Variants in SLC6A6 observed in about 807,000 individuals in gnomAD.
SLC6A6 encodes solute carrier family 6 member 6, also known as sodium- and chloride-dependent taurine transporter.
Under a neutral mutation model 68.8 loss-of-function variants are expected in SLC6A6, and 16 were observed. The ratio of observed to expected loss-of-function variants is 0.23; its 90% CI spans 0.16 to 0.35. SLC6A6 has a LOEUF of 0.35. SLC6A6 is among the 10% of genes least tolerant of loss of function. SLC6A6 has a pLI of 1.00. For missense variants in SLC6A6, 474 were observed against 802.8 expected (o/e 0.59, Z 4.95); for synonymous variants, 312 against 315.4 (o/e 0.99, Z 0.12).
chr3:14,418,653 AAAG>A (rs1162314352), intron 2 of SLC6A6, among the ~76,000 whole-genome samples: 1 of 152,240 alleles, frequency 6.6e-6, no homozygotes, highest in Non-Finnish European at 1.5e-5. Context: ...CTGTCAACCC[AAAG>A]AAGTGGGTGT....
intron 1 of SLC6A6, among the ~76,000 whole-genome samples, chr3:14,407,824 AC>A (rs1194043002): frequency 3.3e-5 from 5 of 152,126 alleles, no homozygotes; most frequent in Non-Finnish European, 7.4e-5. Flanking sequence ...GATTTCTGTC[AC>A]CATAAATTAG....
intron 1 of SLC6A6, among the ~76,000 whole-genome samples, chr3:14,405,257 T>C (rs1274669586): frequency 6.6e-6 from 1 of 152,142 alleles, no homozygotes; most frequent in African/African-American, 2.4e-5. Flanking sequence ...TCCTTGTGCC[T>C]TCCCCTGAGC....
intron 7 of SLC6A6, among the ~76,000 whole-genome samples, chr3:14,466,970 G>C (rs190009599): frequency 2.0e-5 from 3 of 152,332 alleles, no homozygotes; most frequent in Admixed American, 1.3e-4. Flanking sequence ...CTCGGACCCA[G>C]CTTCTGCCCA....
intron 3 of SLC6A6, 154 bp downstream of exon 3, chr3:14,444,017 C>T (rs1326934572): frequency 3.7e-5 from 23 of 616,438 alleles, no homozygotes; most frequent in South Asian, 3.6e-4. Flanking sequence ...CTCCTGCCAA[C>T]CCCACCCTTA....
chr3:14,417,593 G>A lies in SLC6A6; in HGVS notation c.-12+1140G>A, dbSNP rs560288687. 5.3e-5 allele frequency among the ~76,000 whole-genome samples: 8 copies of A among 152,302 alleles called. No homozygotes were observed. The South Asian group carries it at 1.0e-3, about 20-fold the overall frequency. ...AAAAAACACAAAAAATTAGCCAGAC[G>A]TGGTGGCGGGCGCCTGTAGTTCCAG... On this transcript the variant is annotated intron_variant, in intron 2 of 14. Transcript: ENST00000622186.
At chr3:14,404,262 A>AGC (rs748566367) in intron 1 of SLC6A6, among the ~76,000 whole-genome samples, 4 of 151,438 alleles carry the variant, frequency 2.6e-5, no homozygotes, top group East Asian at 1.9e-4. Context: ...TGAGAGAGAG[A>AGC]GCGGGTGAGT....
intron 5 of SLC6A6, among the ~76,000 whole-genome samples, chr3:14,456,168 A>G (rs1700362526): frequency 6.6e-6 from 1 of 152,184 alleles, no homozygotes; most frequent in African/African-American, 2.4e-5. Flanking sequence ...GGATCAGATG[A>G]GATAAACTGA....
intron 5 of SLC6A6, among the ~76,000 whole-genome samples, chr3:14,449,117 G>A (rs1280547614): frequency 5.3e-5 from 8 of 152,220 alleles, no homozygotes; most frequent in Admixed American, 1.3e-4. Context: ...GCGGCCTACC[G>A]ACTGGCCCCA....
At chr3:14,444,885 A>C (rs1002408095) in intron 3 of SLC6A6, 1 of 454,150 alleles carries the variant, frequency 2.2e-6, no homozygotes, top group South Asian at 1.6e-5. Context: ...CCCTGCCCCA[A>C]TGCTTTGCCC....
At chr3:14,484,286 T>G (rs1701083921) in intron 14 of SLC6A6, among the ~76,000 whole-genome samples, 1 of 152,204 alleles carries the variant, frequency 6.6e-6, no homozygotes, top group Non-Finnish European at 1.5e-5. Flanking sequence ...GCAGCTCAAA[T>G]GCGAGCAAGG....
chr3:14,442,322 A>G (rs1229418026), intron 2 of SLC6A6, among the ~76,000 whole-genome samples: 1 of 152,220 alleles, frequency 6.6e-6, no homozygotes, highest in African/African-American at 2.4e-5. Context: ...TGAGTCAGCC[A>G]CTTCTGCTGT....
At chr3:14,418,329 CGTTT>C (rs1559286290) in intron 2 of SLC6A6, among the ~76,000 whole-genome samples, 3 of 152,156 alleles carry the variant, frequency 2.0e-5, no homozygotes. Context: ...ACTAGGCAAG[CGTTT>C]GTTTGTGGCC....
At chr3:14,406,996 G>C (rs1222331593) in intron 1 of SLC6A6, among the ~76,000 whole-genome samples, 1 of 151,908 alleles carries the variant, frequency 6.6e-6, no homozygotes, top group South Asian at 2.1e-4. Flanking sequence ...TGGACATACT[G>C]AATCAGAACC....
At chr3:14,441,271 G>A (rs1417464986) in intron 2 of SLC6A6, among the ~76,000 whole-genome samples, 4 of 152,088 alleles carry the variant, frequency 2.6e-5, no homozygotes, top group Non-Finnish European at 5.9e-5. Flanking sequence ...ACCTTCACTC[G>A]GAGGGAGTTG....
At chr3:14,412,140 A>C (rs2124899373) in intron 1 of SLC6A6, among the ~76,000 whole-genome samples, 1 of 152,208 alleles carries the variant, frequency 6.6e-6, no homozygotes, top group East Asian at 1.9e-4. Flanking sequence ...GCGTGCCACC[A>C]CACGGGGTGC....
chr3:14,488,811 T>C lies in SLC6A6; in HGVS notation c.*3804T>C, dbSNP rs1033094879. On this transcript the variant is annotated 3_prime_UTR_variant, in exon 15 of 15. Transcript: ENST00000622186. ...TGTTGTAATAGGAAGCATTTTTGCA[T>C]TGTTCTCTTGTGGGTGTCACTACAG... The C allele has an allele frequency of 6.6e-6, 1 of 152,666 alleles. No homozygotes were observed. Among genetic ancestry groups the C allele is most frequent in the Non-Finnish European group, 1.5e-5 (1 of 68,046 alleles). The allele number at this position is 152,666 out of a possible 1,614,324, so 9.5% of individuals were successfully genotyped here. A position where few individuals can be genotyped will look rare whatever the true frequency, so the allele number is the denominator to read the frequency against.
intron 1 of SLC6A6, among the ~76,000 whole-genome samples, chr3:14,414,297 G>T (rs1699316569): frequency 6.6e-6 from 1 of 152,114 alleles, no homozygotes; most frequent in South Asian, 2.1e-4. Context: ...CACTGTTTTT[G>T]ACCAGGCTGG....
chr3:14,471,762 C>G (rs766509033), intron 9 of SLC6A6, among the ~76,000 whole-genome samples: 3 of 152,178 alleles, frequency 2.0e-5, no homozygotes, highest in Non-Finnish European at 4.4e-5. Context: ...TAGCCATTAA[C>G]TCAAAAATAG....
chr3:14,459,645 G>T (rs9833294), intron 6 of SLC6A6, among the ~76,000 whole-genome samples: 36 of 151,938 alleles, frequency 2.4e-4, no homozygotes, highest in African/African-American at 7.0e-4. Flanking sequence ...TCCTTGGAGA[G>T]CACCTTCACT....
Sources: gnomAD v4.1 joint callset for allele counts (sites outside exome capture counted in the v4.1 genomes callset) on GRCh38, gnomAD v4.1.1 for gene constraint, MANE v1.5 for transcripts, NCBI Gene and HGNC (gene_info 2026-07-23, HGNC 2026-07-21) for gene names.